The following FOXP4 variants were observed in gnomAD, a reference collection of about 807,000 sequenced individuals.
FOXP4 encodes the protein forkhead box P4.
In FOXP4, 25 loss-of-function variants were observed where a neutral mutation model predicts 82.6. The observed-to-expected ratio is 0.30, with a 90% CI of 0.22 to 0.42. FOXP4 has a LOEUF of 0.42. Ranked by LOEUF, FOXP4 falls within the 10% of genes least tolerant of loss-of-function variation. The pLI is 1.00. For synonymous variants in FOXP4, 415 were observed against 388.2 expected (o/e 1.07, Z -0.81); for missense variants, 785 against 900.9 (o/e 0.87, Z 1.65).
Position 41,599,139 on chromosome 6 carries a change from CTGGTCT to C in FOXP4, c.*207_*212del, listed in dbSNP as rs1200906129. On this transcript the variant is annotated 3_prime_UTR_variant, in exon 17 of 17. Transcript: ENST00000307972. ...GTCCCCACCCCCAGGGACACAACCC[CTGGTCT>C]TGGACCAGTAGAGGACACGGAGGGT... The C allele has an allele frequency of 4.6e-6, 3 of 652,014 alleles. No homozygotes were observed. In the African/African-American group the frequency reaches 5.5e-5, roughly 12 times the overall value. 40.4% of individuals were successfully genotyped at this position (652,014 alleles called of 1,614,324 possible).
intron 3 of FOXP4, among the ~76,000 whole-genome samples, chr6:41,580,747 G>A (rs947269432): frequency 6.6e-6 from 1 of 152,062 alleles, no homozygotes; most frequent in African/African-American, 2.4e-5. Flanking sequence ...CTCCCCACCC[G>A]AGCAGAAGAG....
At chr6:41,581,052 G>A (rs573695442) in intron 3 of FOXP4, among the ~76,000 whole-genome samples, 1 of 152,354 alleles carries the variant, frequency 6.6e-6, no homozygotes, top group African/African-American at 2.4e-5. Context: ...CATGATGGGG[G>A]CAAAGGTGGC....
chr6:41,601,276 G>A lies in FOXP4; in HGVS notation c.*2340G>A, dbSNP rs1229018931. ...AAAGGGGACCCTGGATAGGCTGCAA[G>A]GAAAGAGGCCAAGGGCCAAGCTGCT... On this transcript the variant is annotated 3_prime_UTR_variant, in exon 17 of 17. Transcript: ENST00000307972. 6.6e-6 allele frequency: 1 copy of A among 152,420 alleles called. No individual in the cohort carries two copies. Among genetic ancestry groups the A allele is most frequent in the East Asian group, 1.9e-4 (1 of 5,194 alleles). The allele number at this position is 152,420 out of a possible 1,614,324, so 9.4% of individuals were successfully genotyped here.
chr6:41,587,014 G>T lies in FOXP4; in HGVS notation c.516G>T (p.Leu172=), dbSNP rs1256531123. The stretch of plus-strand genomic sequence containing the variant: ...CCCCTCGGGCCCCTCACCAGGCACT[G>T]GGGAACAAGCAGCTGGCCTTCCAGC... ...QAGKPQPKEA[L]GNKQLAFQQQ... The change falls in exon 6 of 17, where the codon CTG becomes CTT. Residue 172 remains leucine, a synonymous_variant. Transcript: ENST00000307972. 6.3e-7 allele frequency: 1 copy of T among 1,588,526 alleles called. No homozygotes were observed. The highest frequency in any genetic ancestry group is 1.7e-5 in the Admixed American group (1 of 59,276).
chr6:41,581,297 C>T (rs1049722179), intron 3 of FOXP4, among the ~76,000 whole-genome samples: 1 of 152,190 alleles, frequency 6.6e-6, no homozygotes, highest in African/African-American at 2.4e-5. Flanking sequence ...CACCAAATTG[C>T]ATTCGTTCCC....
At chr6:41,595,221 C>CT (rs2127405568) in intron 14 of FOXP4, among the ~76,000 whole-genome samples, 1 of 150,202 alleles carries the variant, frequency 6.7e-6, no homozygotes, top group East Asian at 1.9e-4. Flanking sequence ...TGTCCTCACT[C>CT]TGACTGAGGG....
rs1766485529 is a variant in FOXP4 at position 41,591,039 on chromosome 6, C to CT, written c.1435-181dup. Among the ~76,000 whole-genome samples the CT allele has an allele frequency of 6.6e-6, 1 of 152,224 alleles. No homozygotes were observed. Among genetic ancestry groups the CT allele is most frequent in the Non-Finnish European group, 1.5e-5 (1 of 68,048 alleles). On this transcript the variant is annotated intron_variant, in intron 12 of 16. Coordinates refer to ENST00000307972, the MANE Select transcript of FOXP4 (RefSeq NM_001012426.2). This position sits in a 1 kb window ranked among gnomAD's most constrained non-coding sequence, Gnocchi z 4.2. Reference sequence around the variant, plus strand: ...TATCCTTGGCCAAGCTATAACCAGCCTGTCCCTCTGAGGGGACCCACCAGC... The same window carrying CT: ...TATCCTTGGCCAAGCTATAACCAGCCTTGTCCCTCTGAGGGGACCCACCAGC...
At chr6:41,561,064 GA>G (rs1397448576) in intron 1 of FOXP4, among the ~76,000 whole-genome samples, 1 of 152,232 alleles carries the variant, frequency 6.6e-6, no homozygotes, top group East Asian at 1.9e-4. Context: ...GTTCTTTGAA[GA>G]GCCAGGAGCC....
intron 1 of FOXP4, among the ~76,000 whole-genome samples, chr6:41,563,474 T>A (rs1425655570): frequency 6.6e-6 from 1 of 152,168 alleles, no homozygotes; most frequent in Non-Finnish European, 1.5e-5. Context: ...GTCAGTCGGG[T>A]CAGGGAGACC....
At chr6:41,561,114 C>A (rs1764555112) in intron 1 of FOXP4, among the ~76,000 whole-genome samples, 1 of 152,242 alleles carries the variant, frequency 6.6e-6, no homozygotes, top group Non-Finnish European at 1.5e-5. Flanking sequence ...CGCAGACTGC[C>A]TCAGAGCGGA....
intron 2 of FOXP4, among the ~76,000 whole-genome samples, chr6:41,569,864 TG>T (rs1182073901): frequency 6.6e-6 from 1 of 151,740 alleles, no homozygotes. Flanking sequence ...TCAAAAGGGT[TG>T]GGGGGCTTTG....
intron 2 of FOXP4, among the ~76,000 whole-genome samples, chr6:41,567,640 G>A (rs369807351): frequency 6.6e-6 from 1 of 152,192 alleles, no homozygotes; most frequent in African/African-American, 2.4e-5. Flanking sequence ...ACTGAAACTG[G>A]AAAGTTTCTT....
In FOXP4 at chr6:41,595,038, G is replaced by A. The variant is rs763063986; in HGVS notation, c.1658+47G>A. On this transcript the variant is annotated intron_variant, in intron 14 of 16. Transcript: ENST00000307972. ...TGGGCTGTACCTGCCCAGGGGGCAGGAGCCAACTCACCCCCACCCCCTACC... is the reference window on the plus strand; with the variant it reads ...TGGGCTGTACCTGCCCAGGGGGCAGAAGCCAACTCACCCCCACCCCCTACC... 8.7e-6 allele frequency: 14 copies of A among 1,611,130 alleles called. No individual in the cohort carries two copies. The South Asian group carries it at 1.3e-4, about 15-fold the overall frequency.
intron 2 of FOXP4, among the ~76,000 whole-genome samples, chr6:41,570,678 TTCCC>T (rs1765150698): frequency 2.0e-5 from 3 of 152,170 alleles, no homozygotes; most frequent in Admixed American, 2.0e-4. Flanking sequence ...ATCCCTCTTC[TTCCC>T]TCCCTCACCT....
intron 2 of FOXP4, among the ~76,000 whole-genome samples, chr6:41,571,543 C>T (rs528706587): frequency 3.3e-4 from 51 of 152,296 alleles, no homozygotes; most frequent in African/African-American, 1.2e-3. Context: ...GGATGTGAGT[C>T]GTCTCCCACC....
chr6:41,587,083 C>T lies in FOXP4; in HGVS notation c.585C>T (p.Leu195=), dbSNP rs779034597. ...AACAGTTGCAGCAGCAGCACCTGCT[C>T]AACCTGCAGAGGCAGGGGCTGGTCA... ...QMQQLQQQHL[L]NLQRQGLVSL... is the part of the protein sequence containing the mutation. Residue 195 remains leucine, a synonymous_variant, in exon 6 of 17, where the codon CTC becomes CTT. Coordinates refer to ENST00000307972, the MANE Select transcript of FOXP4 (RefSeq NM_001012426.2). The T allele has an allele frequency of 6.2e-7, 1 of 1,609,538 alleles. No homozygotes were observed. Among genetic ancestry groups the T allele is most frequent in the South Asian group, 1.1e-5 (1 of 90,986 alleles).
intron 3 of FOXP4, among the ~76,000 whole-genome samples, chr6:41,580,498 G>T (rs1765736430): frequency 6.6e-6 from 1 of 152,178 alleles, no homozygotes; most frequent in Admixed American, 6.5e-5. Flanking sequence ...AGGGTCTCAG[G>T]GATATGGGGG....
Position 41,579,123 on chromosome 6 carries a change from T to C in FOXP4, c.300+1042T>C, listed in dbSNP as rs114230153. On this transcript the variant is annotated intron_variant, in intron 3 of 16. Transcript: ENST00000307972. ...AGTCTGAGTTTTATGTAAAACAAGT[T>C]TATGTTTGGAAAAAGTTCAAGGTGC... 6.8e-3 allele frequency among the ~76,000 whole-genome samples: 1,033 copies of C among 152,066 alleles called. 6 individuals carry two copies. Among genetic ancestry groups the C allele is most frequent in the African/African-American group, 0.023 (970 of 41,468 alleles).
At chr6:41,574,215 A>G (rs1030995251) in intron 2 of FOXP4, among the ~76,000 whole-genome samples, 6 of 152,066 alleles carry the variant, frequency 3.9e-5, no homozygotes, top group African/African-American at 9.7e-5. Context: ...GGCTGAACAC[A>G]TGCAGATTAG....
Sources: allele counts gnomAD v4.1 joint callset (sites outside exome capture counted in the v4.1 genomes callset), GRCh38; gene constraint gnomAD v4.1.1; non-coding constraint Gnocchi (gnomAD v3.1); transcripts MANE v1.5; gene names NCBI Gene and HGNC (gene_info 2026-07-23, HGNC 2026-07-21).